The following PPFIA2 variants were observed in gnomAD, a reference collection of about 807,000 sequenced individuals.
PPFIA2 encodes PPFI scaffold protein A2, also known as liprin-alpha-2.
Under a neutral mutation model 175.5 loss-of-function variants are expected in PPFIA2, and 46 were observed. That is an observed-to-expected ratio of 0.26 (90% CI 0.21 to 0.34). The LOEUF is 0.34. Among genes scored for constraint, PPFIA2 ranks in the 10% least tolerant of loss-of-function variants. The pLI, the probability that PPFIA2 is intolerant of heterozygous loss-of-function variation, is 1.00. For missense variants in PPFIA2, 1,179 were observed against 1,506.1 expected, an observed-to-expected ratio of 0.78 and a Z score of 3.60; for synonymous variants, 568 against 511.4, an observed-to-expected ratio of 1.11 and a Z score of -1.49.
chr12:81,608,756 C>A (rs2060590657), intron 4 of PPFIA2, among the ~76,000 whole-genome samples: 1 of 151,780 alleles, frequency 6.6e-6, no homozygotes, highest in African/African-American at 2.4e-5. Flanking sequence ...TTGGTTTCAT[C>A]AATTTTTAAA....
chr12:81,403,755 A>G (rs2142845477), intron 8 of PPFIA2, among the ~76,000 whole-genome samples: 1 of 152,304 alleles, frequency 6.6e-6, no homozygotes, highest in East Asian at 1.9e-4. Flanking sequence ...GGACTTCAGT[A>G]AACATGCTGT....
At chr12:81,656,232 C>T (rs1462167954) in intron 4 of PPFIA2, among the ~76,000 whole-genome samples, 1 of 152,042 alleles carries the variant, frequency 6.6e-6, no homozygotes, top group African/African-American at 2.4e-5. Flanking sequence ...TTTGTAAATA[C>T]ATGGTTTCAA....
At chr12:81,594,351 A>G (rs573949617) in intron 4 of PPFIA2, among the ~76,000 whole-genome samples, 1 of 152,306 alleles carries the variant, frequency 6.6e-6, no homozygotes, top group East Asian at 1.9e-4. Flanking sequence ...ACTTCTATAC[A>G]TAGTTCTGAC....
intron 3 of PPFIA2, among the ~76,000 whole-genome samples, chr12:81,718,333 G>A (rs908604120): frequency 2.6e-5 from 4 of 151,552 alleles, no homozygotes; most frequent in Non-Finnish European, 5.9e-5. Flanking sequence ...TCTGAGGGAA[G>A]AGGAGTTTTA....
chr12:81,555,378 T>C (rs2068667190), intron 4 of PPFIA2, among the ~76,000 whole-genome samples: 1 of 151,976 alleles, frequency 6.6e-6, no homozygotes, highest in Admixed American at 6.6e-5. Context: ...GATATAATAA[T>C]GTGTATAAAA....
intron 4 of PPFIA2, among the ~76,000 whole-genome samples, chr12:81,593,086 T>C (rs1180792083): frequency 6.6e-6 from 1 of 152,128 alleles, no homozygotes; most frequent in Non-Finnish European, 1.5e-5. Flanking sequence ...AATTTCTTCA[T>C]GCAATTGAGA....
chr12:81,378,141 T>G (rs2141819242), intron 9 of PPFIA2: 1 of 152,336 alleles, frequency 6.6e-6, no homozygotes, highest in African/African-American at 2.4e-5. Context: ...GAAATCTCAC[T>G]AGAGCCTTCA....
intron 7 of PPFIA2, among the ~76,000 whole-genome samples, chr12:81,420,764 A>G (rs2046099160): frequency 6.6e-6 from 1 of 152,090 alleles, no homozygotes. Context: ...TAGAGAAATA[A>G]CAGCTGAAAA....
intron 4 of PPFIA2, among the ~76,000 whole-genome samples, chr12:81,605,569 G>A (rs1360415337): frequency 6.6e-6 from 1 of 151,780 alleles, no homozygotes; most frequent in Non-Finnish European, 1.5e-5. Context: ...ATACATCCTA[G>A]TAAATTTATA....
At chr12:81,703,064 C>T (rs1312337856) in intron 3 of PPFIA2, among the ~76,000 whole-genome samples, 6 of 152,212 alleles carry the variant, frequency 3.9e-5, no homozygotes, top group African/African-American at 1.2e-4. Flanking sequence ...ACTAAGACGC[C>T]GGTGTTCCCC....
chr12:81,703,866 T>C (rs964908691), intron 3 of PPFIA2, among the ~76,000 whole-genome samples: 1 of 152,118 alleles, frequency 6.6e-6, no homozygotes, highest in Non-Finnish European at 1.5e-5. Flanking sequence ...AAGGCAATTG[T>C]TTATTAATCC....
intron 28 of PPFIA2, 60 bp downstream of exon 28, chr12:81,277,256 TA>T: frequency 7.1e-7 from 1 of 1,415,164 alleles, no homozygotes. Context: ...TTTAGGTTAG[TA>T]AAAGTGAAAG....
chr12:81,694,865 C>G (rs2153593255), intron 3 of PPFIA2, among the ~76,000 whole-genome samples: 1 of 152,248 alleles, frequency 6.6e-6, no homozygotes, highest in East Asian at 1.9e-4. Flanking sequence ...CCTTGGGAGT[C>G]CACCCCTTGC....
chr12:81,628,376 C>CTTTTTTTTTTTT (rs11304359), intron 4 of PPFIA2, among the ~76,000 whole-genome samples: 2 of 111,676 alleles, frequency 1.8e-5, no homozygotes, highest in Non-Finnish European at 1.8e-5. Context: ...TTTCTTTTAC[C>CTTTTTTTTTTTT]TTTTTTTTTT....
At chr12:81,342,884 T>C (rs1012444959) in intron 19 of PPFIA2, among the ~76,000 whole-genome samples, 3 of 151,948 alleles carry the variant, frequency 2.0e-5, no homozygotes, top group African/African-American at 2.4e-5. Context: ...AAAAACAGCA[T>C]GGCACATGTA....
intron 30 of PPFIA2, among the ~76,000 whole-genome samples, chr12:81,265,101 T>C (rs2036814384): frequency 6.6e-6 from 1 of 150,574 alleles, no homozygotes; most frequent in Admixed American, 6.6e-5. Context: ...CAGACCAGCC[T>C]GACCAACATG....
At position 81,714,078 on chromosome 12, in the gene PPFIA2, G is replaced by A. The variant is rs1596697897; in HGVS notation, c.250-37234C>T. ...AGGAAGAGTTCTGAGGACCATCCAGGGGACCAGCGTAATTGGAGAAAAGAA... is the reference window on the plus strand; with the variant it reads ...AGGAAGAGTTCTGAGGACCATCCAGAGGACCAGCGTAATTGGAGAAAAGAA... On this transcript the variant is annotated intron_variant, in intron 3 of 32. Coordinates refer to ENST00000549396, the MANE Select transcript of PPFIA2 (RefSeq NM_003625.5). Among the ~76,000 whole-genome samples, 3 of 151,050 alleles carry A rather than the reference G, an allele frequency of 2.0e-5. No individual in the cohort carries two copies. In the South Asian group the frequency reaches 6.2e-4, roughly 31 times the overall value.
intron 27 of PPFIA2, among the ~76,000 whole-genome samples, chr12:81,279,498 T>G (rs1335826301): frequency 6.6e-6 from 1 of 152,112 alleles, no homozygotes; most frequent in African/African-American, 2.4e-5. Flanking sequence ...AAAATTATAC[T>G]ATACAGAGGA....
At chr12:81,625,525 G>A (rs1176725423) in intron 4 of PPFIA2, among the ~76,000 whole-genome samples, 4 of 151,650 alleles carry the variant, frequency 2.6e-5, no homozygotes, top group African/African-American at 7.3e-5. Flanking sequence ...TTGTGTAGTT[G>A]AATCCTGGCT....
Sources: gnomAD v4.1 joint callset for allele counts (sites outside exome capture counted in the v4.1 genomes callset) on GRCh38, gnomAD v4.1.1 for gene constraint, MANE v1.5 for transcripts, NCBI Gene and HGNC (gene_info 2026-07-23, HGNC 2026-07-21) for gene names.